Variants in RAD21 observed in about 807,000 individuals in gnomAD.
RAD21 encodes the protein RAD21 cohesin complex component.
In RAD21, 18 loss-of-function variants were observed where a neutral mutation model predicts 71.5. The observed-to-expected ratio is 0.25, with a 90% CI of 0.17 to 0.37. The LOEUF (loss-of-function observed/expected upper bound fraction) is 0.37, where lower values mean the gene tolerates loss of function less well. RAD21 is among the 10% of genes least tolerant of loss of function. The pLI is 1.00. For missense variants in RAD21, 493 were observed against 769.1 expected (o/e 0.64, Z 4.25); for synonymous variants, 248 against 254.0 (o/e 0.98, Z 0.22).
Position 116,861,609 on chromosome 8 carries a change from T to G in RAD21, c.374+232A>C, listed in dbSNP as rs1387769726. Among the ~76,000 whole-genome samples, 3 of 152,102 alleles carry G rather than the reference T, an allele frequency of 2.0e-5. No individual in the cohort carries two copies. In the East Asian group the frequency reaches 5.8e-4, roughly 29 times the overall value. On this transcript the variant is annotated intron_variant, in intron 4 of 13. Coordinates refer to ENST00000297338, the MANE Select transcript of RAD21 (RefSeq NM_006265.3). ...GTTTACGTAAGCTTTGGCCTAAGCT[T>G]GTCAAAACTCTCACATCTTAGCTGT...
At position 116,863,395 on chromosome 8, in the gene RAD21, C is replaced by T. The variant is rs555564150; in HGVS notation, c.145-136G>A. ...CCTTACCTATAAATTCCCTGAATAT[C>T]GAATATCCTGAAAAGACAGAGTGAC... On this transcript the variant is annotated intron_variant, in intron 2 of 13. Coordinates refer to ENST00000297338, the MANE Select transcript of RAD21 (RefSeq NM_006265.3). The T allele has an allele frequency of 3.9e-5, 36 of 932,474 alleles. No homozygotes were observed. The African/African-American group carries it at 4.8e-4, about 12-fold the overall frequency. 57.8% of individuals were successfully genotyped at this position (932,474 alleles called of 1,614,324 possible).
Position 116,847,409 on chromosome 8 carries a change from A to T in RAD21, c.*91T>A, listed in dbSNP as rs1227171477. On this transcript the variant is annotated 3_prime_UTR_variant, in exon 14 of 14. Coordinates refer to ENST00000297338, the MANE Select transcript of RAD21 (RefSeq NM_006265.3). ...AAAGACTTTGTACAGACAAAAATCT[A>T]AGTTTTCTCAAAGGGTTCTGTGTCC... The T allele has an allele frequency of 8.8e-7, 1 of 1,131,242 alleles. No homozygotes were observed. Among genetic ancestry groups the T allele is most frequent in the East Asian group, 2.6e-5 (1 of 38,316 alleles). 70.1% of individuals were successfully genotyped at this position (1,131,242 alleles called of 1,614,324 possible). A position where few individuals can be genotyped will look rare whatever the true frequency, so the allele number is the denominator to read the frequency against.
At position 116,864,184 on chromosome 8, in the gene RAD21, A is replaced by G. The variant is rs189888868; in HGVS notation, c.145-925T>C. Among the ~76,000 whole-genome samples, 166 of 152,232 alleles carry G rather than the reference A, an allele frequency of 1.1e-3. No homozygotes were observed. The Middle Eastern group carries it at 0.02, about 19-fold the overall frequency. ...GATAAGACTCCATCTAAACACAAGT[A>G]TTCAAAATTCCTCTAGCCATAAGGA... On this transcript the variant is annotated intron_variant, in intron 2 of 13. Coordinates refer to ENST00000297338, the MANE Select transcript of RAD21 (RefSeq NM_006265.3).
intron 4 of RAD21, among the ~76,000 whole-genome samples, chr8:116,861,159 T>C (rs1422525076): frequency 6.6e-6 from 1 of 152,074 alleles, no homozygotes; most frequent in African/African-American, 2.4e-5. Flanking sequence ...CTTACTCTAA[T>C]TAGAAGCCAC....
chr8:116,847,392 T>C lies in RAD21; in HGVS notation c.*108A>G. On this transcript the variant is annotated 3_prime_UTR_variant, in exon 14 of 14. Transcript: ENST00000297338. ...TGAAGAAGGAAAAAGGCAAAGACTT[T>C]GTACAGACAAAAATCTAAGTTTTCT... 3.1e-6 allele frequency: 3 copies of C among 978,812 alleles called. No homozygotes were observed. The highest frequency in any genetic ancestry group is 2.7e-5 in the Admixed American group (1 of 36,772). 60.6% of individuals were successfully genotyped at this position (978,812 alleles called of 1,614,324 possible). A position where few individuals can be genotyped will look rare whatever the true frequency, so the allele number is the denominator to read the frequency against.
At chr8:116,859,692 TC>T (rs1442708425) in intron 4 of RAD21, among the ~76,000 whole-genome samples, 1 of 151,648 alleles carries the variant, frequency 6.6e-6, no homozygotes, top group East Asian at 1.9e-4. Context: ...TTCTTGGGCC[TC>T]CCTGTTCCTT....
intron 9 of RAD21, among the ~76,000 whole-genome samples, chr8:116,852,965 G>A (rs1318840086): frequency 6.6e-6 from 1 of 152,032 alleles, no homozygotes; most frequent in Non-Finnish European, 1.5e-5. Flanking sequence ...CTATTTATCT[G>A]CCTGCAGTTT....
At chr8:116,873,809 G>C (rs1038362232) in intron 1 of RAD21, among the ~76,000 whole-genome samples, 1 of 152,084 alleles carries the variant, frequency 6.6e-6, no homozygotes, top group Non-Finnish European at 1.5e-5. Flanking sequence ...GCGACGAAAA[G>C]GGCATCAAGC....
Position 116,872,294 on chromosome 8 carries a change from T to C in RAD21, c.-33+2317A>G, listed in dbSNP as rs560925972. ...ATTCCCCTTTAATATCAAGGGACAA[T>C]TGTACAGTACAACTTTAAACAAGAA... On this transcript the variant is annotated intron_variant, in intron 1 of 13. Coordinates refer to ENST00000297338, the MANE Select transcript of RAD21 (RefSeq NM_006265.3). Among the ~76,000 whole-genome samples the C allele has an allele frequency of 4.6e-5, 7 of 152,278 alleles. No individual in the cohort carries two copies. In the East Asian group the frequency reaches 9.6e-4, roughly 21 times the overall value.
rs1554610467 is a variant in RAD21, at chr8:116,847,544, T to C, written c.1852A>G (p.Ser618Gly). Residue 618 changes from serine to glycine, a missense_variant, in exon 14 of 14, where the codon AGT (serine) becomes GGT (glycine). Coordinates refer to ENST00000297338, the MANE Select transcript of RAD21 (RefSeq NM_006265.3). ...AIELTQEEPY[S>G]DIIATPGPRF... Reference sequence around the variant, plus strand: ...GGTCCAGGTGTTGCGATGATGTCACTGTACGGTTCTTCCTGTGTCAGCTCA... The same window carrying C: ...GGTCCAGGTGTTGCGATGATGTCACCGTACGGTTCTTCCTGTGTCAGCTCA... 1.9e-6 allele frequency: 3 copies of C among 1,613,958 alleles called. No homozygotes were observed. Among genetic ancestry groups the C allele is most frequent in the Non-Finnish European group, 1.7e-6 (2 of 1,179,914 alleles).
At chr8:116,870,163 A>G (rs189617479) in intron 1 of RAD21, among the ~76,000 whole-genome samples, 15 of 152,296 alleles carry the variant, frequency 9.8e-5, no homozygotes, top group Non-Finnish European at 1.8e-4. Flanking sequence ...CTTTTCCTCA[A>G]AAGAAAAAAA....
Position 116,863,092 on chromosome 8 carries a change from A to AAACAAC in RAD21, c.274+32_274+37dup, listed in dbSNP as rs112562183. 4.5e-3 allele frequency: 7,073 copies of AAACAAC among 1,573,910 alleles called. 234 individuals are homozygous for AAACAAC. The African/African-American group carries it at 0.08, about 18-fold the overall frequency. ...CAAAAAACATGAGAAACTCCAAAGTAAACAACAACAACAAAAACCAAACAA... is the reference window on the plus strand; with the variant it reads ...CAAAAAACATGAGAAACTCCAAAGTAAACAACAACAACAACAACAAAAACCAAACAA... On this transcript the variant is annotated intron_variant, in intron 3 of 13. Transcript: ENST00000297338.
At position 116,874,663 on chromosome 8, in the gene RAD21, G is replaced by C. The variant is rs943856649; in HGVS notation, c.-85C>G. The C allele has an allele frequency of 2.6e-6, 1 of 377,960 alleles. No individual in the cohort carries two copies. Among genetic ancestry groups the C allele is most frequent in the South Asian group, 1.9e-5 (1 of 52,330 alleles). The allele number at this position is 377,960 out of a possible 1,614,324, so 23.4% of individuals were successfully genotyped here. A position where few individuals can be genotyped will look rare whatever the true frequency, so the allele number is the denominator to read the frequency against. ...CTGGGTGGCCCGGGGAGGGGAAAAG[G>C]GTCGGGGGAGGGGGTGGGGAAAGGG... On this transcript the variant is annotated 5_prime_UTR_variant, in exon 1 of 14. Transcript: ENST00000297338.
chr8:116,872,071 G>A (rs763417846), intron 1 of RAD21, among the ~76,000 whole-genome samples: 1 of 151,530 alleles, frequency 6.6e-6, no homozygotes, highest in Non-Finnish European at 1.5e-5. Context: ...GTTGGAGGGG[G>A]GGACAAAAAA....
rs138040512 is a variant in RAD21 at position 116,850,621 on chromosome 8, T to C, written c.1617A>G (p.Glu539=). Reference sequence around the variant, plus strand: ...TGAAAATTATTAATTAGTTTACCTCTTCCTCTTCATCATCTTCTTTTTCCT... The same window carrying C: ...TGAAAATTATTAATTAGTTTACCTCCTCCTCTTCATCATCTTCTTTTTCCT... ...KEKEKEDDEE[E]EDEDASGGDQ... is the part of the protein sequence containing the mutation. The change falls in exon 12 of 14, where the codon GAA becomes GAG. Residue 539 remains glutamate (E), a synonymous_variant. Coordinates refer to ENST00000297338, the MANE Select transcript of RAD21 (RefSeq NM_006265.3). 95 of 1,609,300 alleles carry C rather than the reference T, an allele frequency of 5.9e-5. No individual in the cohort carries two copies. The African/African-American group carries it at 1.2e-3, about 20-fold the overall frequency.
In RAD21 at chr8:116,866,780, G is replaced by A; in HGVS notation, c.-32-19C>T. ...AGAAAACCTAAGAGGGGAAAAAAAA[G>A]TTAATGTAAACATCATCTGACAATT... On this transcript the variant is annotated intron_variant, in intron 1 of 13. Coordinates refer to ENST00000297338, the MANE Select transcript of RAD21 (RefSeq NM_006265.3). 6.7e-7 allele frequency: 1 copy of A among 1,490,558 alleles called. No individual in the cohort carries two copies. Among genetic ancestry groups the A allele is most frequent in the Non-Finnish European group, 8.9e-7 (1 of 1,118,592 alleles). The allele number at this position is 1,490,558 out of a possible 1,614,324, so 92.3% of individuals were successfully genotyped here. A position where few individuals can be genotyped will look rare whatever the true frequency, so the allele number is the denominator to read the frequency against.
intron 11 of RAD21, 146 bp from the exon 12 acceptor site, chr8:116,850,913 A>G (rs1812336527): frequency 2.0e-6 from 1 of 501,332 alleles, no homozygotes; most frequent in Non-Finnish European, 3.5e-6. Context: ...GGAAAAATTT[A>G]TTACAGTATA....
At chr8:116,856,802 T>C in intron 6 of RAD21, 31 bp from the exon 7 acceptor site, 2 of 1,441,648 alleles carry the variant, frequency 1.4e-6, no homozygotes, top group African/African-American at 1.5e-5. Flanking sequence ...TAGTTATAAT[T>C]TGAAAAAGAA....
chr8:116,873,449 C>T (rs969169647), intron 1 of RAD21, among the ~76,000 whole-genome samples: 7 of 152,212 alleles, frequency 4.6e-5, no homozygotes, highest in Admixed American at 1.3e-4. Context: ...CCTTCTCCTG[C>T]CTGTCTCCAA....
Sources: gnomAD v4.1 joint callset for allele counts (sites outside exome capture counted in the v4.1 genomes callset) on GRCh38, gnomAD v4.1.1 for gene constraint, MANE v1.5 for transcripts, NCBI Gene and HGNC (gene_info 2026-07-23, HGNC 2026-07-21) for gene names.